Variants in IQCJ observed in about 807,000 individuals in gnomAD.
IQCJ encodes the protein IQ domain-containing protein J.
IQCJ carries 9 observed loss-of-function variants against 11.0 expected under a neutral mutation model. That is an observed-to-expected ratio of 0.82 (90% CI 0.49 to 1.43). IQCJ has a LOEUF of 1.43. Among genes scored for constraint, IQCJ ranks in the 40% most tolerant of loss-of-function variants. IQCJ has a pLI of 0.00. For missense variants in IQCJ, 146 were observed against 133.2 expected, an observed-to-expected ratio of 1.10 and a Z score of -0.47; for synonymous variants, 55 against 51.3, an observed-to-expected ratio of 1.07 and a Z score of -0.31.
At position 159,173,502 on chromosome 3, in the gene IQCJ, C is replaced by T. The variant is rs527775027; in HGVS notation, c.10-72341C>T. On this transcript the variant is annotated intron_variant, in intron 1 of 3. Coordinates refer to ENST00000397832, the MANE Select transcript of IQCJ (RefSeq NM_001042706.3). ...ACTCCTACATCGCAGGATAGTTTTA[C>T]GTTACCCTTTCAGAATAATTTCTCT... Among the ~76,000 whole-genome samples the T allele has an allele frequency of 9.9e-5, 15 of 152,254 alleles. 1 individual carries two copies. The highest frequency in any genetic ancestry group is 2.1e-4 in the South Asian group (1 of 4,824).
rs553094924 is a variant in IQCJ at position 159,125,114 on chromosome 3, C to T, written c.9+55673C>T. On this transcript the variant is annotated intron_variant, in intron 1 of 3. Coordinates refer to ENST00000397832, the MANE Select transcript of IQCJ (RefSeq NM_001042706.3). ...TAGTGTAGAAACCTGATAAACACCA[C>T]CTTAGCCAGGTGATCAAGGTCATTA... 3.0e-4 allele frequency among the ~76,000 whole-genome samples: 45 copies of T among 152,282 alleles called. 1 individual carries two copies. The South Asian group carries it at 7.3e-3, about 25-fold the overall frequency.
At position 159,262,662 on chromosome 3, in the gene IQCJ, C is replaced by A; in HGVS notation, c.270C>A (p.Thr90=). Residue 90 remains threonine, a synonymous_variant, in exon 4 of 4, where the codon ACC becomes ACA. Transcript: ENST00000397832. ...EKLSSSVSMN[T]FSDSSTPVSV... is the part of the protein sequence containing the mutation. ...TGAGCAGCTCTGTCAGCATGAACAC[C>A]TTCTCCGACAGCAGCACACCCGTGA... is the stretch of plus-strand genomic sequence containing the variant. The A allele has an allele frequency of 1.2e-6, 2 of 1,613,996 alleles. No individual in the cohort carries two copies. The highest frequency in any genetic ancestry group is 1.7e-6 in the Non-Finnish European group (2 of 1,179,862).
chr3:159,077,878 TA>T (rs1481812773), intron 1 of IQCJ, among the ~76,000 whole-genome samples: 1 of 152,112 alleles, frequency 6.6e-6, no homozygotes, highest in African/African-American at 2.4e-5. Flanking sequence ...TTAGTTTTTT[TA>T]AAAAATTAGT....
At chr3:159,238,022 A>G (rs1189075073) in intron 1 of IQCJ, among the ~76,000 whole-genome samples, 2 of 152,154 alleles carry the variant, frequency 1.3e-5, no homozygotes, top group Non-Finnish European at 2.9e-5. Flanking sequence ...GTAGAGGAGA[A>G]GCCACAAGGA....
At chr3:159,210,800 A>G (rs1348389939) in intron 1 of IQCJ, among the ~76,000 whole-genome samples, 1 of 152,038 alleles carries the variant, frequency 6.6e-6, no homozygotes, top group East Asian at 1.9e-4. Context: ...CCTCCTGAGT[A>G]GCTGGATTAC....
rs147859642 is a variant in IQCJ at position 159,220,171 on chromosome 3, A to G, written c.10-25672A>G. 6.4e-3 allele frequency among the ~76,000 whole-genome samples: 969 copies of G among 152,282 alleles called. 6 individuals carry two copies. The highest frequency in any genetic ancestry group is 0.022 in the African/African-American group (923 of 41,566). On this transcript the variant is annotated intron_variant, in intron 1 of 3. Transcript: ENST00000397832. ...AGGTATCTTCTGCAGCAGGTTAAAAATGGGAAAAGGGTTATGGGGATACAG... is the reference window on the plus strand; with the variant it reads ...AGGTATCTTCTGCAGCAGGTTAAAAGTGGGAAAAGGGTTATGGGGATACAG...
At chr3:159,257,045 C>T (rs1008910707) in intron 3 of IQCJ, among the ~76,000 whole-genome samples, 1 of 152,152 alleles carries the variant, frequency 6.6e-6, no homozygotes, top group Non-Finnish European at 1.5e-5. Flanking sequence ...AGGCAAGAAC[C>T]TCTATGACTC....
Position 159,230,283 on chromosome 3 carries a change from A to G in IQCJ, c.10-15560A>G, listed in dbSNP as rs538517490. On this transcript the variant is annotated intron_variant, in intron 1 of 3. Coordinates refer to ENST00000397832, the MANE Select transcript of IQCJ (RefSeq NM_001042706.3). ...GTATACACCACATTTTCTTTATCCA[A>G]TCTATCACTGATGGGCAGCTAGGTT... 4.6e-5 allele frequency among the ~76,000 whole-genome samples: 7 copies of G among 152,182 alleles called. No homozygotes were observed. In the South Asian group the frequency reaches 1.0e-3, roughly 23 times the overall value.
intron 1 of IQCJ, among the ~76,000 whole-genome samples, chr3:159,232,451 C>CTTTTTT (rs35423818): frequency 6.5e-4 from 54 of 83,700 alleles, no homozygotes; most frequent in African/African-American, 8.1e-4. Context: ...GAGAGACTTT[C>CTTTTTT]TTTTTTTTTT....
chr3:159,180,049 A>G (rs759190744), intron 1 of IQCJ, among the ~76,000 whole-genome samples: 66 of 152,228 alleles, frequency 4.3e-4, no homozygotes, highest in Non-Finnish European at 8.4e-4. Context: ...TTCACTTGGT[A>G]GAAGGCGCTA....
intron 1 of IQCJ, among the ~76,000 whole-genome samples, chr3:159,147,701 T>C (rs1478572884): frequency 6.6e-6 from 1 of 152,248 alleles, no homozygotes; most frequent in Non-Finnish European, 1.5e-5. Context: ...CGAACTTTTT[T>C]ATCAATCATC....
chr3:159,152,239 T>G (rs1721270558), intron 1 of IQCJ, among the ~76,000 whole-genome samples: 1 of 152,208 alleles, frequency 6.6e-6, no homozygotes, highest in Admixed American at 6.5e-5. Context: ...CGTAACGTAA[T>G]GATGGCTGTG....
At chr3:159,256,133 T>C (rs1472502492) in intron 3 of IQCJ, among the ~76,000 whole-genome samples, 4 of 152,228 alleles carry the variant, frequency 2.6e-5, no homozygotes, top group Admixed American at 2.6e-4. Context: ...CAAACCCTCA[T>C]GTAAAAGTTG....
chr3:159,116,636 A>ATATATC, intron 1 of IQCJ, among the ~76,000 whole-genome samples: 1 of 34,046 alleles, frequency 2.9e-5, no homozygotes, highest in Non-Finnish European at 5.4e-5. Flanking sequence ...ATATATATAT[A>ATATATC]TATATATATA....
At chr3:159,120,603 A>G (rs1192445690) in intron 1 of IQCJ, among the ~76,000 whole-genome samples, 1 of 152,238 alleles carries the variant, frequency 6.6e-6, no homozygotes, top group Non-Finnish European at 1.5e-5. Flanking sequence ...TTTCTGCCAC[A>G]TAAATCAATG....
At chr3:159,151,247 C>A (rs1721198185) in intron 1 of IQCJ, among the ~76,000 whole-genome samples, 2 of 152,200 alleles carry the variant, frequency 1.3e-5, no homozygotes, top group African/African-American at 4.8e-5. Flanking sequence ...GCGTGGGGAG[C>A]CACTGTGCTC....
At chr3:159,228,664 G>A (rs534065153) in intron 1 of IQCJ, among the ~76,000 whole-genome samples, 119 of 151,984 alleles carry the variant, frequency 7.8e-4, no homozygotes, top group Non-Finnish European at 1.3e-3. Context: ...AGTGGCGGGC[G>A]CCTGTAGTCC....
rs568687344 is a variant in IQCJ, at chr3:159,113,559, T to C, written c.9+44118T>C. Among the ~76,000 whole-genome samples, 5 of 152,370 alleles carry C rather than the reference T, an allele frequency of 3.3e-5. No homozygotes were observed. In the South Asian group the frequency reaches 1.0e-3, roughly 32 times the overall value. On this transcript the variant is annotated intron_variant, in intron 1 of 3. Coordinates refer to ENST00000397832, the MANE Select transcript of IQCJ (RefSeq NM_001042706.3). ...TATTGTCCTTTGAGTTGCTTTATGT[T>C]CGTTTAATAAGCAATACTGAGTTCA...
At chr3:159,131,618 G>C (rs1217818924) in intron 1 of IQCJ, among the ~76,000 whole-genome samples, 2 of 152,018 alleles carry the variant, frequency 1.3e-5, no homozygotes. Flanking sequence ...GTTGATAACA[G>C]CTGTCTACTG....
Sources: gnomAD v4.1 joint callset for allele counts (sites outside exome capture counted in the v4.1 genomes callset) on GRCh38, gnomAD v4.1.1 for gene constraint, MANE v1.5 for transcripts, NCBI Gene and HGNC (gene_info 2026-07-23, HGNC 2026-07-21) for gene names.